The following CIMAP1D variants were observed in gnomAD, a reference collection of about 807,000 sequenced individuals.
CIMAP1D encodes the protein protein CIMAP1D.
chr19:465,593 G>A, the CIMAP1D span, among the ~76,000 whole-genome samples: 8 of 148,112 alleles, frequency 5.4e-5, no homozygotes, highest in African/African-American at 2.0e-4. Flanking sequence ...GCAGGTGGGT[G>A]GGTGGATGGG....
the CIMAP1D span, chr19:472,597 T>A: frequency 1.2e-6 from 1 of 867,014 alleles, no homozygotes; most frequent in Non-Finnish European, 1.7e-6. Context: ...GGTTCCCCTC[T>A]CCCTCCATGG....
the CIMAP1D span, among the ~76,000 whole-genome samples, chr19:466,912 C>T: frequency 5.5e-5 from 3 of 54,142 alleles, no homozygotes; most frequent in East Asian, 5.9e-4. Flanking sequence ...GGTGGATGGA[C>T]GGGTGGATAG....
the CIMAP1D span, among the ~76,000 whole-genome samples, chr19:465,357 AGGTG>A: frequency 2.3e-4 from 30 of 132,622 alleles, no homozygotes; most frequent in Admixed American, 3.1e-4. Context: ...ATGAATGGGT[AGGTG>A]GATGGGTGGA....
At chr19:467,508 C>T in the CIMAP1D span, 3 of 696,408 alleles carry the variant, frequency 4.3e-6, no homozygotes, top group East Asian at 2.6e-5. Flanking sequence ...GCCCCTCCTC[C>T]GTGTCCCTTG....
chr19:466,136 G>A, the CIMAP1D span, among the ~76,000 whole-genome samples: 5 of 142,986 alleles, frequency 3.5e-5, no homozygotes, highest in East Asian at 2.2e-4. Flanking sequence ...TGGGTGGATG[G>A]ATGAGTGAAT....
the CIMAP1D span, among the ~76,000 whole-genome samples, chr19:467,341 G>A: frequency 6.6e-6 from 1 of 151,924 alleles, no homozygotes; most frequent in African/African-American, 2.4e-5. Context: ...TTGGGTGCCT[G>A]TGAAGGATAC....
At chr19:477,147 G>C in the CIMAP1D span, among the ~76,000 whole-genome samples, 3 of 152,354 alleles carry the variant, frequency 2.0e-5, no homozygotes, top group Admixed American at 6.5e-5. Flanking sequence ...GGCCAAGGCT[G>C]CAGTGAGCCA....
chr19:485,676 G>C, the CIMAP1D span, among the ~76,000 whole-genome samples: 1 of 152,208 alleles, frequency 6.6e-6, no homozygotes, highest in Non-Finnish European at 1.5e-5. Flanking sequence ...CCAAGTTCCC[G>C]ACATTCTTTC....
chr19:463,948 G>A, the CIMAP1D span: 10 of 1,611,452 alleles, frequency 6.2e-6, no homozygotes, highest in Non-Finnish European at 7.6e-6. Flanking sequence ...GAGAACGCTG[G>A]AGCCCTGGCT....
At chr19:466,783 T>G in the CIMAP1D span, among the ~76,000 whole-genome samples, 101 of 67,462 alleles carry the variant, frequency 1.5e-3, no homozygotes, top group East Asian at 2.6e-3. Context: ...ATGAGTGGAT[T>G]GATGGATGGG....
At chr19:474,489 G>A in the CIMAP1D span, 4 of 936,712 alleles carry the variant, frequency 4.3e-6, no homozygotes, top group Non-Finnish European at 5.8e-6. Context: ...GGAAAACTGA[G>A]GTCTGGGGAA....
chr19:473,405 G>A, the CIMAP1D span, among the ~76,000 whole-genome samples: 41 of 78,458 alleles, frequency 5.2e-4, no homozygotes, highest in Middle Eastern at 9.8e-3. Context: ...ACGGTCACAG[G>A]TGGGGAAACT....
At chr19:463,417 C>T in the CIMAP1D span, 1 of 236,518 alleles carries the variant, frequency 4.2e-6, no homozygotes. Context: ...GTGGGAAAGG[C>T]ACAGGCCTCG....
the CIMAP1D span, among the ~76,000 whole-genome samples, chr19:468,949 C>T: frequency 2.2e-4 from 32 of 147,468 alleles, no homozygotes; most frequent in East Asian, 6.2e-3. Flanking sequence ...CTCCCCGAAA[C>T]GTCATCCAAA....
chr19:481,498 T>TGGGAAGGATGATGGGGAAGGATGATG, the CIMAP1D span, among the ~76,000 whole-genome samples: 1,660 of 43,282 alleles, frequency 0.038, 23 homozygotes, highest in East Asian at 0.048. Flanking sequence ...GGAAGGATGA[T>TGGGAAGGATGATGGGGAAGGATGATG]GGGAAGGATG....
chr19:473,462 T>A, the CIMAP1D span, among the ~76,000 whole-genome samples: 1 of 72,212 alleles, frequency 1.4e-5, no homozygotes. Context: ...GACTGAGGCC[T>A]GAGCCTCCCA....
At chr19:484,661 C>T in the CIMAP1D span, among the ~76,000 whole-genome samples, 3 of 152,180 alleles carry the variant, frequency 2.0e-5, no homozygotes, top group South Asian at 6.2e-4. Flanking sequence ...GGGGAGGGCA[C>T]CGCTGTGCAA....
At chr19:466,744 G>A in the CIMAP1D span, among the ~76,000 whole-genome samples, 1 of 139,318 alleles carries the variant, frequency 7.2e-6, no homozygotes, top group Non-Finnish European at 1.5e-5. Flanking sequence ...TGGATGAGTG[G>A]ATGGGTGGAT....
At chr19:481,146 A>ATGGAGAAGGAATG in the CIMAP1D span, among the ~76,000 whole-genome samples, 2 of 48,174 alleles carry the variant, frequency 4.2e-5, no homozygotes, top group Non-Finnish European at 3.3e-5. Flanking sequence ...GGGAAGGATG[A>ATGGAGAAGGAATG]TGGGAAGGAT....
Sources: allele counts gnomAD v4.1 joint callset (sites outside exome capture counted in the v4.1 genomes callset), GRCh38; gene constraint gnomAD v4.1.1; transcripts MANE v1.5; gene names NCBI Gene and HGNC (gene_info 2026-07-23, HGNC 2026-07-21).